Variants in JCAD observed in about 807,000 individuals in gnomAD.
The protein encoded by JCAD is junctional cadherin 5-associated protein.
Under a neutral mutation model 98.0 loss-of-function variants are expected in JCAD, and 40 were observed. The ratio of observed to expected loss-of-function variants is 0.41; its 90% CI spans 0.32 to 0.53. JCAD has a LOEUF of 0.53. Among genes scored for constraint, JCAD ranks in the 20% least tolerant of loss-of-function variants. The probability of loss-of-function intolerance (pLI) is 0.31; values close to 1 mark genes in which losing one functional copy is unlikely to be tolerated. For synonymous variants in JCAD, 691 were observed against 682.3 expected (o/e 1.01, Z -0.20); for missense variants, 1,705 against 1,738.1 (o/e 0.98, Z 0.34).
intron 1 of JCAD, among the ~76,000 whole-genome samples, chr10:30,050,314 C>CAAAAAAAAAAAAAAAAAAAAAAAAAA (rs61421356): frequency 2.4e-5 from 1 of 41,728 alleles, no homozygotes. Flanking sequence ...GACCCTGTCT[C>CAAAAAAAAAAAAAAAAAAAAAAAAAA]AAAAAAAAAA....
chr10:30,053,014 T>C (rs1043831381), intron 1 of JCAD, among the ~76,000 whole-genome samples: 1 of 152,078 alleles, frequency 6.6e-6, no homozygotes, highest in African/African-American at 2.4e-5. Context: ...AAACTAAAAA[T>C]TAACTTTAAA....
At chr10:30,052,824 C>G (rs995584199) in intron 1 of JCAD, among the ~76,000 whole-genome samples, 30 of 152,210 alleles carry the variant, frequency 2.0e-4, no homozygotes, top group Admixed American at 6.5e-5. Context: ...AAGGTTAGGA[C>G]TGGCAAATGA....
At chr10:30,033,176 A>T (rs1020076561) in intron 2 of JCAD, among the ~76,000 whole-genome samples, 2 of 152,194 alleles carry the variant, frequency 1.3e-5, no homozygotes, top group African/African-American at 4.8e-5. Context: ...AGAAATGTGA[A>T]CCTAAAACGC....
chr10:30,028,541 T>C lies in JCAD; in HGVS notation c.1607A>G (p.His536Arg). The C allele has an allele frequency of 6.2e-7, 1 of 1,614,242 alleles. No individual in the cohort carries two copies. Among genetic ancestry groups the C allele is most frequent in the African/African-American group, 1.3e-5 (1 of 75,058 alleles). Residue 536 changes from histidine to arginine, a missense_variant, in exon 3 of 4, where the codon CAC becomes CGC. His to Arg is a conservative substitution (Grantham distance 29). Around this residue, in one of 3 missense-constraint regions of JCAD, gnomAD observed 1,278 missense variants for 1,243.1 expected, o/e 1.03. Transcript: ENST00000375377. ...AGGGGAGGAAACTTGTCTTCCAGTGTGCCCGTGCTGGCTGCCTCTCACATC... is the reference window on the plus strand; with the variant it reads ...AGGGGAGGAAACTTGTCTTCCAGTGCGCCCGTGCTGGCTGCCTCTCACATC... Reference protein sequence around the residue: ...WPDVRGSQHGHTGRQVSSPYS... With the variant: ...WPDVRGSQHGRTGRQVSSPYS...
intron 2 of JCAD, 82 bp from the exon 3 acceptor site, chr10:30,029,948 C>T (rs1469661504): frequency 2.1e-6 from 3 of 1,445,626 alleles, no homozygotes; most frequent in Admixed American, 2.4e-5. Flanking sequence ...CGAAGTCAAA[C>T]TCAGGTCAGC....
In JCAD at chr10:30,017,544, T is replaced by A. The variant is rs1323360119; in HGVS notation, c.*339A>T. 1.3e-5 allele frequency: 5 copies of A among 380,792 alleles called. No individual in the cohort carries two copies. Among genetic ancestry groups the A allele is most frequent in the Non-Finnish European group, 2.4e-5 (5 of 210,126 alleles). The allele number at this position is 380,792 out of a possible 1,614,324, so 23.6% of individuals were successfully genotyped here. ...AAAGCATTTGCTAGATCTTCCACAT[T>A]GAAATCTTCACCCAGAATGAGAGCA... is the stretch of plus-strand genomic sequence containing the variant. On this transcript the variant is annotated 3_prime_UTR_variant, in exon 4 of 4. Coordinates refer to ENST00000375377, the MANE Select transcript of JCAD (RefSeq NM_020848.4).
intron 1 of JCAD, among the ~76,000 whole-genome samples, chr10:30,058,284 C>T (rs1042687841): frequency 6.6e-6 from 1 of 152,104 alleles, no homozygotes; most frequent in Admixed American, 6.5e-5. Context: ...TGGTCTGCAC[C>T]GCCCCACCCC....
intron 2 of JCAD, among the ~76,000 whole-genome samples, chr10:30,068,608 C>T (rs753383043): frequency 6.6e-6 from 1 of 152,144 alleles, no homozygotes; most frequent in Non-Finnish European, 1.5e-5. Context: ...CATCCCTGCC[C>T]TAACTGTGTT....
At chr10:30,107,107 A>G (rs1361704443) in intron 1 of JCAD, among the ~76,000 whole-genome samples, 1 of 152,210 alleles carries the variant, frequency 6.6e-6, no homozygotes, top group African/African-American at 2.4e-5. Flanking sequence ...GGCTTACACA[A>G]ATACTCATTT....
At chr10:30,038,184 CT>C (rs1837160527) in intron 2 of JCAD, among the ~76,000 whole-genome samples, 1 of 152,196 alleles carries the variant, frequency 6.6e-6, no homozygotes, top group Non-Finnish European at 1.5e-5. Flanking sequence ...GGCCCCACCC[CT>C]GGGACTGGGT....
At chr10:30,098,146 C>T (rs993765586) in intron 1 of JCAD, among the ~76,000 whole-genome samples, 4 of 152,172 alleles carry the variant, frequency 2.6e-5, no homozygotes, top group African/African-American at 9.6e-5. Context: ...GAAATAACTC[C>T]TGCGACCCTC....
At chr10:30,045,557 G>T (rs1416034641) in intron 2 of JCAD, among the ~76,000 whole-genome samples, 1 of 152,052 alleles carries the variant, frequency 6.6e-6, no homozygotes, top group Non-Finnish European at 1.5e-5. Flanking sequence ...AAAACTAAAT[G>T]AAAAAACAAA....
upstream of JCAD, among the ~76,000 whole-genome samples, chr10:30,060,669 C>G (rs138292131): frequency 7.9e-5 from 12 of 152,118 alleles, no homozygotes; most frequent in African/African-American, 2.9e-4. Context: ...TATTTGCTGT[C>G]GAAACACCAA....
At chr10:30,051,616 T>A (rs1589695071) in intron 1 of JCAD, among the ~76,000 whole-genome samples, 1 of 152,156 alleles carries the variant, frequency 6.6e-6, no homozygotes, top group East Asian at 1.9e-4. Flanking sequence ...TCTGCAACAT[T>A]AATAGAATTT....
chr10:30,098,137 A>G, intron 1 of JCAD, among the ~76,000 whole-genome samples: 1 of 152,032 alleles, frequency 6.6e-6, no homozygotes, highest in Admixed American at 6.6e-5. Context: ...TTCTTGGGAG[A>G]AATAACTCCT....
chr10:30,019,305 C>T (rs575392129), intron 3 of JCAD, among the ~76,000 whole-genome samples: 1 of 147,114 alleles, frequency 6.8e-6, no homozygotes, highest in South Asian at 2.1e-4. Flanking sequence ...TGCTGTGAGC[C>T]GAGATGGCGC....
chr10:30,067,682 G>A (rs1313190303), intron 2 of JCAD, among the ~76,000 whole-genome samples: 2 of 152,186 alleles, frequency 1.3e-5, no homozygotes, highest in African/African-American at 4.8e-5. Flanking sequence ...GCTAGGCCTT[G>A]ACTTATGTCC....
intron 1 of JCAD, among the ~76,000 whole-genome samples, chr10:30,112,873 A>G (rs1327404497): frequency 7.6e-6 from 1 of 132,362 alleles, no homozygotes; most frequent in African/African-American, 3.6e-5. Context: ...CTCCATCTCA[A>G]AAAAAAAAAA....
intron 1 of JCAD, among the ~76,000 whole-genome samples, chr10:30,103,648 C>A (rs1838509594): frequency 6.6e-6 from 1 of 151,752 alleles, no homozygotes; most frequent in African/African-American, 2.4e-5. Flanking sequence ...ACACTCACAG[C>A]CAGTTCTTTT....
Sources: allele counts gnomAD v4.1 joint callset (sites outside exome capture counted in the v4.1 genomes callset), GRCh38; gene constraint gnomAD v4.1.1; regional missense constraint gnomAD v4.1.1; transcripts MANE v1.5; gene names NCBI Gene and HGNC (gene_info 2026-07-23, HGNC 2026-07-21).